The following CELF1 variants were observed in gnomAD, a reference collection of about 807,000 sequenced individuals.
CELF1 encodes the protein CUGBP Elav-like family member 1, also known as 50 kDa nuclear polyadenylated RNA-binding protein.
Under a neutral mutation model 61.8 loss-of-function variants are expected in CELF1, and 10 were observed. The observed-to-expected ratio is 0.16, with a 90% CI of 0.10 to 0.27. The LOEUF (loss-of-function observed/expected upper bound fraction) is 0.27. CELF1 is among the 10% of genes least tolerant of loss of function. CELF1 has a pLI of 1.00. For missense variants in CELF1, 380 were observed against 639.1 expected (o/e 0.59, Z 4.37); for synonymous variants, 236 against 225.1 (o/e 1.05, Z -0.43).
chr11:47,529,846 G>C (rs1771909786), intron 1 of CELF1, among the ~76,000 whole-genome samples: 1 of 152,018 alleles, frequency 6.6e-6, no homozygotes, highest in Non-Finnish European at 1.5e-5. Flanking sequence ...ACTTGGGCAG[G>C]GGACAGGACA....
chr11:47,559,168 T>C (rs904664041), intron 2 of CELF1, among the ~76,000 whole-genome samples: 2 of 148,680 alleles, frequency 1.3e-5, no homozygotes, highest in Admixed American at 1.4e-4. Flanking sequence ...CAATCTCAGC[T>C]CACCACAACC....
chr11:47,472,494 T>C (rs947608405), intron 14 of CELF1, 137 bp from the exon 15 acceptor site: 21 of 898,398 alleles, frequency 2.3e-5, no homozygotes, highest in Admixed American at 2.0e-4. Flanking sequence ...CTGGACATTA[T>C]GTCATACGAA....
intron 1 of CELF1, among the ~76,000 whole-genome samples, chr11:47,533,567 G>A (rs892836548): frequency 6.6e-6 from 1 of 152,142 alleles, no homozygotes; most frequent in African/African-American, 2.4e-5. Flanking sequence ...AAGTGGCAGT[G>A]AGCTGAGATC....
intron 1 of CELF1, among the ~76,000 whole-genome samples, chr11:47,513,412 T>C (rs2203712): frequency 0.35 from 53,011 of 151,778 alleles, 10,431 homozygotes; most frequent in South Asian, 0.51. Flanking sequence ...TTGGGGGTTT[T>C]CCCCCCTGAA....
chr11:47,473,953 T>C (rs964960582), intron 13 of CELF1, among the ~76,000 whole-genome samples: 5 of 152,050 alleles, frequency 3.3e-5, no homozygotes, highest in Non-Finnish European at 7.4e-5. Context: ...GTTGCCCAGG[T>C]TGGAGTGCAG....
intron 1 of CELF1, chr11:47,523,738 T>C (rs2096075877): frequency 6.6e-6 from 1 of 152,224 alleles, no homozygotes; most frequent in African/African-American, 2.4e-5. Flanking sequence ...ACAAGTTCTA[T>C]TCCCAACACT....
chr11:47,534,198 T>C (rs905578550), intron 1 of CELF1, among the ~76,000 whole-genome samples: 49 of 151,348 alleles, frequency 3.2e-4, no homozygotes, highest in African/African-American at 1.2e-3. Flanking sequence ...CCGGCTAATA[T>C]TTTGTATTTC....
At chr11:47,477,471 C>A in intron 10 of CELF1, 46 bp from the exon 11 acceptor site, 1 of 1,600,656 alleles carries the variant, frequency 6.2e-7, no homozygotes, top group South Asian at 1.1e-5. Flanking sequence ...AAGGGTGCTT[C>A]ATATCCATTC....
intron 1 of CELF1, among the ~76,000 whole-genome samples, chr11:47,545,253 A>G (rs574368240): frequency 5.8e-4 from 89 of 152,222 alleles, no homozygotes; most frequent in African/African-American, 2.0e-3. Context: ...AACATGAAGA[A>G]ACCCCATCTC....
At chr11:47,472,975 G>A in intron 14 of CELF1, 113 bp downstream of exon 14, 1 of 1,239,028 alleles carries the variant, frequency 8.1e-7, no homozygotes, top group Non-Finnish European at 1.1e-6. Context: ...CCTGCCCATG[G>A]CCAAGTTAAA....
intron 1 of CELF1, among the ~76,000 whole-genome samples, chr11:47,502,220 C>T (rs1216131411): frequency 6.6e-6 from 1 of 152,108 alleles, no homozygotes; most frequent in Non-Finnish European, 1.5e-5. Context: ...TATTAAAGTC[C>T]ATTTTATGAT....
chr11:47,472,973 T>C, intron 14 of CELF1, 115 bp downstream of exon 14: 1 of 1,212,614 alleles, frequency 8.2e-7, no homozygotes, highest in South Asian at 1.6e-5. Flanking sequence ...GACCTGCCCA[T>C]GGCCAAGTTA....
At chr11:47,513,941 T>TTTTG (rs1555182176) in intron 1 of CELF1, 10 of 149,994 alleles carry the variant, frequency 6.7e-5, no homozygotes, top group Non-Finnish European at 4.4e-5. Flanking sequence ...CTTTTTTTTT[T>TTTTG]CCCCCCAGAT....
chr11:47,488,212 C>T lies in CELF1; in HGVS notation c.259+625G>A, dbSNP rs185701230. 3.5e-3 allele frequency among the ~76,000 whole-genome samples: 540 copies of T among 152,272 alleles called. 3 individuals carry two copies. The highest frequency in any genetic ancestry group is 0.013 in the African/African-American group (523 of 41,550). ...ATAAGAACATGTCTGTGTGTATATA[C>T]GGGGCAAAGTTAATACCTATCTACC... On this transcript the variant is annotated intron_variant, in intron 4 of 14. Transcript: ENST00000687097.
At chr11:47,530,558 G>A (rs1193356316) in intron 1 of CELF1, among the ~76,000 whole-genome samples, 1 of 152,180 alleles carries the variant, frequency 6.6e-6, no homozygotes, top group Non-Finnish European at 1.5e-5. Flanking sequence ...TTCTCTCTTT[G>A]GTAGCAGCTT....
upstream of CELF1, among the ~76,000 whole-genome samples, chr11:47,554,254 T>A (rs1030212566): frequency 6.6e-6 from 1 of 152,164 alleles, no homozygotes; most frequent in African/African-American, 2.4e-5. Flanking sequence ...ATGATCATAT[T>A]CCCTAATTGT....
intron 1 of CELF1, among the ~76,000 whole-genome samples, chr11:47,536,058 A>G (rs2153705336): frequency 1.3e-5 from 2 of 152,274 alleles, no homozygotes; most frequent in Middle Eastern, 6.8e-3. Flanking sequence ...CACTGCACCC[A>G]GCCCAAGAGT....
chr11:47,479,033 A>G (rs2081499244), intron 9 of CELF1, 81 bp from the exon 10 acceptor site: 4 of 1,166,404 alleles, frequency 3.4e-6, no homozygotes, highest in Non-Finnish European at 5.0e-6. Flanking sequence ...AGCACAGCAA[A>G]GCGAGAGTGC....
intron 1 of CELF1, among the ~76,000 whole-genome samples, chr11:47,534,657 G>C (rs1164076255): frequency 6.6e-6 from 1 of 152,144 alleles, no homozygotes. Context: ...GAACCCAGGA[G>C]GTGGAGCTTG....
Sources: allele counts gnomAD v4.1 joint callset (sites outside exome capture counted in the v4.1 genomes callset), GRCh38; gene constraint gnomAD v4.1.1; transcripts MANE v1.5; gene names NCBI Gene and HGNC (gene_info 2026-07-23, HGNC 2026-07-21).